The following SEMA4A variants were observed in gnomAD, a reference collection of about 807,000 sequenced individuals.
SEMA4A encodes the protein semaphorin 4A.
SEMA4A carries 52 observed loss-of-function variants against 72.5 expected under a neutral mutation model. The observed-to-expected ratio is 0.72, with a 90% CI of 0.57 to 0.90. SEMA4A has a LOEUF of 0.90. SEMA4A is among the 40% of genes least tolerant of loss of function. SEMA4A has a pLI of 0.00. For synonymous variants in SEMA4A, 369 were observed against 393.1 expected (o/e 0.94, Z 0.73); for missense variants, 926 against 959.7 (o/e 0.96, Z 0.46).
intron 11 of SEMA4A, 127 bp downstream of exon 11, chr1:156,173,133 G>A (rs187540102): frequency 6.6e-5 from 65 of 979,438 alleles, no homozygotes; most frequent in Middle Eastern, 5.4e-4. Context: ...CCTGCTATGT[G>A]CCTGGCATTC....
Position 156,174,838 on chromosome 1 carries a change from CA to C in SEMA4A, c.1334del (p.Lys445ArgfsTer4), listed in dbSNP as rs1558162947. 6.2e-7 allele frequency: 1 copy of C among 1,614,230 alleles called. No homozygotes were observed. Among genetic ancestry groups the C allele is most frequent in the Non-Finnish European group, 8.5e-7 (1 of 1,180,036 alleles). Reference sequence around the variant, plus strand: ...TCCCCATAGCCACAGGGTCGCTCCACAAGGCTGTGGTAAGTGGGGACAGCAG... The same window carrying C: ...TCCCCATAGCCACAGGGTCGCTCCACAGGCTGTGGTAAGTGGGGACAGCAG... ...YLGTTTGSLH[K>X]AVVSGDSSAH... On this transcript the variant is annotated frameshift_variant, in exon 12 of 15. Coordinates refer to ENST00000368285, the MANE Select transcript of SEMA4A (RefSeq NM_022367.4). LOFTEE classifies it high-confidence loss of function.
chr1:156,162,668 C>T (rs1572402704), intron 9 of SEMA4A, among the ~76,000 whole-genome samples: 1 of 152,228 alleles, frequency 6.6e-6, no homozygotes, highest in East Asian at 1.9e-4. Flanking sequence ...CAGGCAGGGG[C>T]CACCCCAGGG....
Position 156,177,125 on chromosome 1 carries a change from T to C in SEMA4A, c.*128T>C, listed in dbSNP as rs922610221. On this transcript the variant is annotated 3_prime_UTR_variant, in exon 15 of 15. Transcript: ENST00000368285. ...TTTCTCCCCTGAGAGGAGCTTCTGC[T>C]ACTCTGCATCACTGATGACACTCAG... The C allele has an allele frequency of 2.4e-6, 2 of 819,848 alleles. No individual in the cohort carries two copies. The highest frequency in any genetic ancestry group is 1.4e-5 in the South Asian group (1 of 69,748). The allele number at this position is 819,848 out of a possible 1,614,324, so 50.8% of individuals were successfully genotyped here.
intron 9 of SEMA4A, among the ~76,000 whole-genome samples, chr1:156,162,289 C>T (rs1036995091): frequency 3.3e-5 from 5 of 152,128 alleles, no homozygotes; most frequent in African/African-American, 1.2e-4. Flanking sequence ...AAAGTCATTG[C>T]TTGAAGGTTG....
chr1:156,176,097 T>C (rs1655298003), intron 14 of SEMA4A, among the ~76,000 whole-genome samples: 1 of 152,120 alleles, frequency 6.6e-6, no homozygotes, highest in Non-Finnish European at 1.5e-5. Flanking sequence ...CAGACCAGCC[T>C]GGCCAACATG....
At chr1:156,165,845 T>A in intron 10 of SEMA4A, among the ~76,000 whole-genome samples, 1 of 151,464 alleles carries the variant, frequency 6.6e-6, no homozygotes, top group Non-Finnish European at 1.5e-5. Context: ...CACTTCAGCC[T>A]GGAAATTAGT....
At chr1:156,160,100 C>CAAGAG (rs2102953418) in intron 6 of SEMA4A, among the ~76,000 whole-genome samples, 1 of 152,134 alleles carries the variant, frequency 6.6e-6, no homozygotes, top group African/African-American at 2.4e-5. Flanking sequence ...GGGTAGGACC[C>CAAGAG]AAGGTGTGGA....
intron 13 of SEMA4A, 119 bp downstream of exon 13, chr1:156,175,362 C>A: frequency 7.6e-7 from 1 of 1,320,180 alleles, no homozygotes; most frequent in South Asian, 1.3e-5. Flanking sequence ...AGAGTCCTCC[C>A]ATCCTGCAGT....
Position 156,175,652 on chromosome 1 carries a change from A to G in SEMA4A, c.1689A>G (p.Gln563=), listed in dbSNP as rs769375118. The G allele has an allele frequency of 1.9e-6, 3 of 1,604,134 alleles. No homozygotes were observed. The highest frequency in any genetic ancestry group is 2.6e-6 in the Non-Finnish European group (3 of 1,174,894). ...GCCTTCGGCCTCAGAGCCGCCCGCAAATCAGTGAGTGTAGGACCACTCACC... is the reference window on the plus strand; with the variant it reads ...GCCTTCGGCCTCAGAGCCGCCCGCAGATCAGTGAGTGTAGGACCACTCACC... ...SRSLRPQSRP[Q]IIKEVLAVPN... is the part of the protein sequence containing the mutation. The change falls in exon 14 of 15, where the codon CAA becomes CAG. Residue 563 remains glutamine, a synonymous_variant. Coordinates refer to ENST00000368285, the MANE Select transcript of SEMA4A (RefSeq NM_022367.4).
chr1:156,175,537 A>G lies in SEMA4A; in HGVS notation c.1593-19A>G. ...TCAGCTCTTTTGAAGGATAATTTTT[A>G]CTTTCTCTGCTCTCTTAGGAACTCC... On this transcript the variant is annotated intron_variant, in intron 13 of 14. Coordinates refer to ENST00000368285, the MANE Select transcript of SEMA4A (RefSeq NM_022367.4). The G allele has an allele frequency of 6.3e-7, 1 of 1,592,566 alleles. No individual in the cohort carries two copies. The highest frequency in any genetic ancestry group is 2.2e-5 in the East Asian group (1 of 44,728).
chr1:156,170,831 G>A (rs576142976), intron 10 of SEMA4A, among the ~76,000 whole-genome samples: 26 of 151,740 alleles, frequency 1.7e-4, no homozygotes, highest in Non-Finnish European at 3.7e-4. Context: ...TAAGGTAGGA[G>A]GATGGCTTGA....
At chr1:156,173,357 G>T (rs1397970795) in intron 11 of SEMA4A, among the ~76,000 whole-genome samples, 1 of 152,212 alleles carries the variant, frequency 6.6e-6, no homozygotes, top group South Asian at 2.1e-4. Flanking sequence ...CAGGAAGCTC[G>T]TCTGTGAAGG....
In SEMA4A at chr1:156,162,985, C is replaced by T. The variant is rs911314643; in HGVS notation, c.1025C>T (p.Ser342Phe). 6.2e-7 allele frequency: 1 copy of T among 1,614,110 alleles called. No homozygotes were observed. ...AGGAGCTCTGCGGTTTGTGCCTTCT[C>T]TCTCTTGGACATTGAACGTGTCTTT... is the stretch of plus-strand genomic sequence containing the variant. ...GTRSSAVCAFSLLDIERVFKG... is the reference protein window; with the variant it reads ...GTRSSAVCAFFLLDIERVFKG... Residue 342 changes from serine to phenylalanine, a missense_variant, in exon 10 of 15, where the codon TCT becomes TTT. Ser to Phe is a radical substitution (Grantham distance 155). Coordinates refer to ENST00000368285, the MANE Select transcript of SEMA4A (RefSeq NM_022367.4).
chr1:156,175,179 C>T lies in SEMA4A; in HGVS notation c.1528C>T (p.Arg510Trp), dbSNP rs1028250483. 14 of 1,614,004 alleles carry T rather than the reference C, an allele frequency of 8.7e-6. No homozygotes were observed. Among genetic ancestry groups the T allele is most frequent in the Non-Finnish European group, 1.0e-5 (12 of 1,180,028 alleles). ...YESCVDCVLA[R>W]DPHCAWDPES... ...GAGCTGTGTGGACTGTGTCCTTGCC[C>T]GGGACCCCCACTGTGCCTGGGACCC... The change falls in exon 13 of 15, where the codon CGG becomes TGG. Residue 510 changes from arginine (R) to tryptophan (W), a missense_variant. Coordinates refer to ENST00000368285, the MANE Select transcript of SEMA4A (RefSeq NM_022367.4).
At chr1:156,164,045 A>G (rs1653933460) in intron 10 of SEMA4A, among the ~76,000 whole-genome samples, 3 of 132,496 alleles carry the variant, frequency 2.3e-5, no homozygotes, top group African/African-American at 8.8e-5. Flanking sequence ...GAAGTTTTTA[A>G]ATGAAAAAAA....
chr1:156,163,720 CAAAAAAAAAAAAAAAA>C (rs34408918), intron 10 of SEMA4A, among the ~76,000 whole-genome samples: 1 of 17,780 alleles, frequency 5.6e-5, no homozygotes, highest in Non-Finnish European at 1.0e-4. Context: ...GACTCAGTCT[CAAAAAAAAAAAAAAAA>C]AAAAAAAAAA....
At chr1:156,149,934 C>T (rs1652395599), upstream of SEMA4A, 1 of 152,132 alleles carries the variant, frequency 6.6e-6, no homozygotes, top group Non-Finnish European at 1.5e-5. Context: ...GATTCTAGTC[C>T]CTCCCACTTA....
At position 156,174,752 on chromosome 1, in the gene SEMA4A, G is replaced by A. The variant is rs570337008; in HGVS notation, c.1316-70G>A. On this transcript the variant is annotated intron_variant, in intron 11 of 14. Coordinates refer to ENST00000368285, the MANE Select transcript of SEMA4A (RefSeq NM_022367.4). Reference sequence around the variant, plus strand: ...GAAGGAGCTTTCTTACAGCTGGGGAGGCCCCCGGAAGTTGGGAAGGGATCT... The same window carrying A: ...GAAGGAGCTTTCTTACAGCTGGGGAAGCCCCCGGAAGTTGGGAAGGGATCT... 20 of 1,604,082 alleles carry A rather than the reference G, an allele frequency of 1.2e-5. No homozygotes were observed. In the South Asian group the frequency reaches 2.1e-4, roughly 17 times the overall value.
chr1:156,161,276 G>C lies in SEMA4A; in HGVS notation c.811-70G>C, dbSNP rs1286714642. The C allele has an allele frequency of 4.5e-6, 4 of 893,940 alleles. No homozygotes were observed. In the East Asian group the frequency reaches 1.2e-4, roughly 26 times the overall value. 55.4% of individuals were successfully genotyped at this position (893,940 alleles called of 1,614,324 possible). A position where few individuals can be genotyped will look rare whatever the true frequency, so the allele number is the denominator to read the frequency against. On this transcript the variant is annotated intron_variant, in intron 8 of 14. Transcript: ENST00000368285. Reference sequence around the variant, plus strand: ...GGGGGGACACGCCGAGCTGCGGGGGGCGGGGAGGACACGCGGGGCTGGGGG... The same window carrying C: ...GGGGGGACACGCCGAGCTGCGGGGGCCGGGGAGGACACGCGGGGCTGGGGG...
Sources: allele counts gnomAD v4.1 joint callset (sites outside exome capture counted in the v4.1 genomes callset), GRCh38; gene constraint gnomAD v4.1.1; transcripts MANE v1.5; gene names NCBI Gene and HGNC (gene_info 2026-07-23, HGNC 2026-07-21).